Variants in CELF2 observed in about 807,000 individuals in gnomAD.
CELF2 encodes the protein CUGBP Elav-like family member 2, also known as CUG triplet repeat RNA-binding protein 2.
CELF2 carries 8 observed loss-of-function variants against 62.6 expected under a neutral mutation model. That is an observed-to-expected ratio of 0.13 (90% confidence interval 0.07 to 0.23). The LOEUF (loss-of-function observed/expected upper bound fraction) is 0.23. CELF2 is among the 10% of genes least tolerant of loss of function. The pLI, the probability that CELF2 is intolerant of heterozygous loss-of-function variation, is 1.00. For missense variants in CELF2, 333 were observed against 671.0 expected (o/e 0.50, Z 5.56); for synonymous variants, 258 against 250.0 (o/e 1.03, Z -0.30).
At chr10:10,955,059 A>ATTT (rs2048746042) in intron 2 of CELF2, among the ~76,000 whole-genome samples, 1 of 152,294 alleles carries the variant, frequency 6.6e-6, no homozygotes, top group Non-Finnish European at 1.5e-5. Context: ...TTAAATGTGT[A>ATTT]TTTTTTAAAG....
At chr10:10,748,480 G>C in the CELF2 span, among the ~76,000 whole-genome samples, 11 of 152,070 alleles carry the variant, frequency 7.2e-5, no homozygotes, top group South Asian at 4.1e-4. Flanking sequence ...CTGGCGCGGT[G>C]GCTCACGCCT....
chr10:10,846,194 T>C, intron 1 of CELF2: 1 of 825,436 alleles, frequency 1.2e-6, no homozygotes, highest in Non-Finnish European at 1.5e-6. Flanking sequence ...CTGCTAAGAC[T>C]TGGCATTTTT....
the CELF2 span, among the ~76,000 whole-genome samples, chr10:10,492,333 G>C: frequency 1.3e-5 from 2 of 152,152 alleles, no homozygotes. Flanking sequence ...GTCTCTCCAG[G>C]ATAGCAATAG....
chr10:11,251,489 C>G (rs2077136572), intron 4 of CELF2, among the ~76,000 whole-genome samples: 1 of 151,876 alleles, frequency 6.6e-6, no homozygotes, highest in Non-Finnish European at 1.5e-5. Context: ...GTTGCATGAT[C>G]ACAGAAGCCA....
chr10:11,051,685 T>C (rs2063954642), intron 1 of CELF2, among the ~76,000 whole-genome samples: 1 of 152,114 alleles, frequency 6.6e-6, no homozygotes, highest in African/African-American at 2.4e-5. Flanking sequence ...AAAGATACAA[T>C]TACAAGCTAG....
At chr10:10,747,737 T>A in the CELF2 span, among the ~76,000 whole-genome samples, 1 of 152,180 alleles carries the variant, frequency 6.6e-6, no homozygotes, top group African/African-American at 2.4e-5. Flanking sequence ...GACGAAGTCT[T>A]GCTCTGTCGT....
rs370312993 is a variant in CELF2 at position 11,025,233 on chromosome 10, G to A, written c.74+7070G>A. On this transcript the variant is annotated intron_variant, in intron 1 of 12. Coordinates refer to ENST00000633077, the MANE Select transcript of CELF2 (RefSeq NM_001326342.2). ...TGTGTGTGTGTGTGTGTGTGTGTGT[G>A]TGTGTGTATATGTATGTGACTGTAT... is the stretch of plus-strand genomic sequence containing the variant. Among the ~76,000 whole-genome samples, 159 of 43,696 alleles carry A rather than the reference G, an allele frequency of 3.6e-3. 1 individual carries two copies. The East Asian group carries it at 0.13, about 36-fold the overall frequency. 28.7% of individuals were successfully genotyped at this position (43,696 alleles called of 152,430 possible). A position where few individuals can be genotyped will look rare whatever the true frequency, so the allele number is the denominator to read the frequency against.
chr10:10,752,205 T>C, the CELF2 span, among the ~76,000 whole-genome samples: 2 of 152,212 alleles, frequency 1.3e-5, no homozygotes, highest in Non-Finnish European at 2.9e-5. Context: ...ATCTGGTCCG[T>C]GGACACTACC....
At chr10:10,770,753 G>A in the CELF2 span, among the ~76,000 whole-genome samples, 731 of 145,056 alleles carry the variant, frequency 5.0e-3, 4 homozygotes, top group African/African-American at 0.011. Context: ...TCATGATTTT[G>A]AAATCCTGCT....
the CELF2 span, among the ~76,000 whole-genome samples, chr10:10,494,027 G>A: frequency 5.3e-5 from 8 of 152,288 alleles, no homozygotes; most frequent in South Asian, 2.1e-4. Context: ...GCCCTGAAGT[G>A]TTTCCAGGGT....
chr10:10,722,785 G>C, the CELF2 span, among the ~76,000 whole-genome samples: 2 of 152,278 alleles, frequency 1.3e-5, no homozygotes, highest in East Asian at 3.9e-4. Context: ...TGACCTGAAA[G>C]TTATCACTAT....
chr10:10,702,022 C>A, the CELF2 span, among the ~76,000 whole-genome samples: 9 of 152,202 alleles, frequency 5.9e-5, no homozygotes, highest in Non-Finnish European at 1.2e-4. Context: ...AAATAACAGA[C>A]AATCTAAAAG....
At chr10:11,119,173 G>T (rs893302888) in intron 1 of CELF2, among the ~76,000 whole-genome samples, 1 of 152,216 alleles carries the variant, frequency 6.6e-6, no homozygotes, top group African/African-American at 2.4e-5. Flanking sequence ...GAAGGCAGGA[G>T]GGTCTGAAGG....
Position 11,305,890 on chromosome 10 carries a change from C to T in CELF2, c.977-8249C>T, listed in dbSNP as rs1408693122. Reference sequence around the variant, plus strand: ...TATCCTCACCATCAGGGTCTCTGGACCACCTCGCTTTTCCTGTTCTCCACA... The same window carrying T: ...TATCCTCACCATCAGGGTCTCTGGATCACCTCGCTTTTCCTGTTCTCCACA... On this transcript the variant is annotated intron_variant, in intron 9 of 12. Transcript: ENST00000633077. The surrounding 1 kb of genome is among the most constrained non-coding windows in gnomAD (Gnocchi z 4.8). Among the ~76,000 whole-genome samples the T allele has an allele frequency of 6.6e-6, 1 of 152,232 alleles. No individual in the cohort carries two copies. Among genetic ancestry groups the T allele is most frequent in the East Asian group, 1.9e-4 (1 of 5,196 alleles).
chr10:10,556,130 C>T, the CELF2 span, among the ~76,000 whole-genome samples: 1 of 152,074 alleles, frequency 6.6e-6, no homozygotes, highest in Non-Finnish European at 1.5e-5. Context: ...GTGCTGCACC[C>T]ACTAACTCGT....
intron 1 of CELF2, among the ~76,000 whole-genome samples, chr10:11,060,145 A>G (rs965810409): frequency 2.0e-5 from 3 of 152,220 alleles, no homozygotes; most frequent in Admixed American, 6.5e-5. Context: ...TGTCCCACCA[A>G]GTCACTGAAC....
chr10:11,024,363 G>A (rs1391367958), intron 1 of CELF2, among the ~76,000 whole-genome samples: 1 of 152,176 alleles, frequency 6.6e-6, no homozygotes, highest in Non-Finnish European at 1.5e-5. Flanking sequence ...CCAGCACTTT[G>A]GGAGGCCGAG....
chr10:10,788,607 C>T, the CELF2 span, among the ~76,000 whole-genome samples: 3 of 151,630 alleles, frequency 2.0e-5, no homozygotes, highest in South Asian at 2.1e-4. Context: ...GGATCACAGG[C>T]GTGTGCCACC....
Position 11,178,582 on chromosome 10 carries a change from G to A in CELF2, c.271+12900G>A, listed in dbSNP as rs1372711961. On this transcript the variant is annotated intron_variant, in intron 2 of 12. Coordinates refer to ENST00000633077, the MANE Select transcript of CELF2 (RefSeq NM_001326342.2). This position sits in a 1 kb window ranked among gnomAD's most constrained non-coding sequence, Gnocchi z 4.3. ...TACTTAGGAGTATAGTTTTTTAAGT[G>A]GGACATGTCAGGCTTTTATGCCACA... Among the ~76,000 whole-genome samples, 2 of 152,196 alleles carry A rather than the reference G, an allele frequency of 1.3e-5. No individual in the cohort carries two copies. The highest frequency in any genetic ancestry group is 1.9e-4 in the East Asian group (1 of 5,204).
Sources: allele counts gnomAD v4.1 joint callset (sites outside exome capture counted in the v4.1 genomes callset), GRCh38; gene constraint gnomAD v4.1.1; non-coding constraint Gnocchi (gnomAD v3.1); transcripts MANE v1.5; gene names NCBI Gene and HGNC (gene_info 2026-07-23, HGNC 2026-07-21).